The following BDP1 variants were observed in gnomAD, a reference collection of about 807,000 sequenced individuals.
The protein encoded by BDP1 is BDP1 general transcription factor IIIB subunit.
Under a neutral mutation model 266.6 loss-of-function variants are expected in BDP1, and 169 were observed. The observed-to-expected ratio is 0.63, with a 90% confidence interval of 0.56 to 0.72. The LOEUF is 0.72. Among genes scored for constraint, BDP1 ranks in the 30% least tolerant of loss-of-function variants. The pLI, the probability that BDP1 is intolerant of heterozygous loss-of-function variation, is 0.00. For synonymous variants in BDP1, 1,090 were observed against 1,022.4 expected (o/e 1.07, Z -1.26); for missense variants, 3,015 against 3,053.8 (o/e 0.99, Z 0.30).
chr5:71,526,165 A>C (rs1765855974), intron 25 of BDP1, among the ~76,000 whole-genome samples: 1 of 152,000 alleles, frequency 6.6e-6, no homozygotes, highest in Non-Finnish European at 1.5e-5. Context: ...CACTGAGTGA[A>C]CGCAACTCCG....
Position 71,539,059 on chromosome 5 carries a change from AC to A in BDP1, c.5911del (p.His1971IlefsTer17), listed in dbSNP as rs1561767888. The A allele has an allele frequency of 6.2e-7, 1 of 1,604,328 alleles. No homozygotes were observed. The highest frequency in any genetic ancestry group is 1.7e-5 in the Admixed American group (1 of 58,710). The stretch of plus-strand genomic sequence containing the variant: ...CTTTTTAGGAAATGACCACAAGTGA[AC>A]ATATCCAAGATGAACCAGGTAACTG... The part of the protein sequence containing the change: ...SVPFEMTTSE[H>X]IQDEPGTNDG... On this transcript the variant is annotated frameshift_variant, in exon 27 of 39. Coordinates refer to ENST00000358731, the MANE Select transcript of BDP1 (RefSeq NM_018429.3). LOFTEE classifies it high-confidence loss of function.
intron 30 of BDP1, among the ~76,000 whole-genome samples, chr5:71,542,712 A>ATG (rs1767048610): frequency 6.6e-6 from 1 of 151,732 alleles, no homozygotes; most frequent in Admixed American, 6.6e-5. Flanking sequence ...ATATATATAT[A>ATG]TATATTCATG....
chr5:71,548,514 A>G (rs1742495725), intron 32 of BDP1, among the ~76,000 whole-genome samples, 168 bp from the exon 33 acceptor site: 1 of 152,242 alleles, frequency 6.6e-6, no homozygotes, highest in Admixed American at 6.5e-5. Flanking sequence ...ATATTTATTT[A>G]AATGAATCAA....
In BDP1 at chr5:71,524,083, T is replaced by C. The variant is rs373543897; in HGVS notation, c.5532T>C (p.Arg1844=). The C allele has an allele frequency of 1.5e-5, 25 of 1,614,224 alleles. No homozygotes were observed. The African/African-American group carries it at 3.3e-4, about 22-fold the overall frequency. Residue 1844 remains arginine (R), a synonymous_variant, in exon 25 of 39, where the codon CGT becomes CGC. Transcript: ENST00000358731. ...KKFKPNVTRG[R]GSKRVRGKTS... ...TCAAACCAAATGTCACCAGAGGTCG[T>C]GGATCAAAACGAGTTCGGGGTAAGA...
chr5:71,511,241 C>A, intron 17 of BDP1, 90 bp downstream of exon 17: 1 of 1,299,982 alleles, frequency 7.7e-7, no homozygotes, highest in Non-Finnish European at 1.1e-6. Flanking sequence ...TTAAGTCCAA[C>A]AACACTTAAA....
At chr5:71,532,568 TA>T (rs1249571881) in intron 26 of BDP1, 141 bp downstream of exon 26, 2 of 691,198 alleles carry the variant, frequency 2.9e-6, no homozygotes, top group African/African-American at 3.6e-5. Context: ...GTCTGAGTAG[TA>T]AAAACTAGTG....
intron 22 of BDP1, among the ~76,000 whole-genome samples, chr5:71,517,801 C>T (rs1360562462): frequency 6.6e-6 from 1 of 152,116 alleles, no homozygotes; most frequent in Non-Finnish European, 1.5e-5. Context: ...CAGTGGTTCA[C>T]GCCTGTAATC....
rs763601637 is a variant in BDP1 at position 71,502,775 on chromosome 5, C to T, written c.2225C>T (p.Ser742Phe). The change falls in exon 15 of 39, where the codon TCC becomes TTC. Residue 742 changes from serine to phenylalanine, a missense_variant. By Grantham distance (155) the Ser-to-Phe change is radical. Around this residue, in one of 3 missense-constraint regions of BDP1, gnomAD observed 2,383 missense variants for 2,404.9 expected, o/e 0.99. Transcript: ENST00000358731. Reference sequence around the variant, plus strand: ...AATGTAGAGAAGAATGAAAATGAATCCTGTGCTGATAGAGATGTAAGTACT... The same window carrying T: ...AATGTAGAGAAGAATGAAAATGAATTCTGTGCTGATAGAGATGTAAGTACT... ...GANVEKNENE[S>F]CADRDTPQHM... The T allele has an allele frequency of 2.5e-6, 4 of 1,613,176 alleles. No homozygotes were observed. Among genetic ancestry groups the T allele is most frequent in the Admixed American group, 3.3e-5 (2 of 59,758 alleles).
At chr5:71,548,191 A>C (rs1169097157) in intron 32 of BDP1, among the ~76,000 whole-genome samples, 1 of 152,070 alleles carries the variant, frequency 6.6e-6, no homozygotes, top group Non-Finnish European at 1.5e-5. Context: ...CAGGAGGTTG[A>C]GGTGGGAGGA....
At chr5:71,499,444 C>G (rs765805435) in intron 13 of BDP1, among the ~76,000 whole-genome samples, 44 of 152,126 alleles carry the variant, frequency 2.9e-4, no homozygotes, top group Non-Finnish European at 5.3e-4. Flanking sequence ...TGGCGAAATC[C>G]CATCTCTACT....
intron 32 of BDP1, among the ~76,000 whole-genome samples, chr5:71,547,479 C>A (rs1742419513): frequency 6.6e-6 from 1 of 152,170 alleles, no homozygotes; most frequent in South Asian, 2.1e-4. Flanking sequence ...TGACTGATCA[C>A]TTGGCTAGAA....
intron 32 of BDP1, chr5:71,545,439 C>G (rs1228716755): frequency 5.7e-6 from 3 of 523,536 alleles, no homozygotes; most frequent in African/African-American, 2.0e-5. Context: ...TCAACAGATT[C>G]TCCTGCCTCA....
At chr5:71,461,739 TG>T in intron 2 of BDP1, 77 bp from the exon 3 acceptor site, 1 of 783,598 alleles carries the variant, frequency 1.3e-6, no homozygotes, top group South Asian at 1.7e-5. Flanking sequence ...AACGCAACAG[TG>T]GACTGTATAT....
chr5:71,509,305 T>A (rs1764758174), intron 16 of BDP1, among the ~76,000 whole-genome samples, 160 bp from the exon 17 acceptor site: 1 of 152,168 alleles, frequency 6.6e-6, no homozygotes, highest in Admixed American at 6.5e-5. Flanking sequence ...GGGATTTTTT[T>A]TCTTTTAATT....
chr5:71,513,049 C>T lies in BDP1; in HGVS notation c.4248-136C>T, dbSNP rs1230407327. The T allele has an allele frequency of 7.3e-6, 4 of 547,246 alleles. No individual in the cohort carries two copies. In the Admixed American group the frequency reaches 2.0e-4, roughly 28 times the overall value. The allele number at this position is 547,246 out of a possible 1,614,324, so 33.9% of individuals were successfully genotyped here. A position where few individuals can be genotyped will look rare whatever the true frequency, so the allele number is the denominator to read the frequency against. ...TTGCACTCCAGCCTGGGGGATAGAA[C>T]AAGACCCTGTCTCCAAAAAAAAAAA... On this transcript the variant is annotated intron_variant, in intron 18 of 38. Coordinates refer to ENST00000358731, the MANE Select transcript of BDP1 (RefSeq NM_018429.3).
At chr5:71,507,491 C>T (rs1169878879) in intron 16 of BDP1, among the ~76,000 whole-genome samples, 2 of 152,156 alleles carry the variant, frequency 1.3e-5, no homozygotes, top group Non-Finnish European at 2.9e-5. Flanking sequence ...ACAATCTGAA[C>T]TGTTATGGAA....
intron 20 of BDP1, among the ~76,000 whole-genome samples, chr5:71,515,783 AACTC>A (rs1488364194): frequency 6.6e-6 from 1 of 152,110 alleles, no homozygotes; most frequent in Non-Finnish European, 1.5e-5. Context: ...ATTAAATACT[AACTC>A]ATTCTCCTCC....
chr5:71,489,726 A>T lies in BDP1; in HGVS notation c.1492+44A>T, dbSNP rs767771023. ...TAAAAAGCCTCTATATTACTTGAGA[A>T]GACATGTACAGTAATATGGTATGTA... On this transcript the variant is annotated intron_variant, in intron 10 of 38. Coordinates refer to ENST00000358731, the MANE Select transcript of BDP1 (RefSeq NM_018429.3). The T allele has an allele frequency of 1.0e-5, 15 of 1,497,924 alleles. No homozygotes were observed. The Admixed American group carries it at 3.2e-4, about 32-fold the overall frequency. The allele number at this position is 1,497,924 out of a possible 1,614,324, so 92.8% of individuals were successfully genotyped here. A position where few individuals can be genotyped will look rare whatever the true frequency, so the allele number is the denominator to read the frequency against.
At chr5:71,564,352 TTTAC>T (rs1463986073) in intron 38 of BDP1, among the ~76,000 whole-genome samples, 2 of 117,486 alleles carry the variant, frequency 1.7e-5, no homozygotes, top group African/African-American at 2.9e-5. Context: ...TTAAAGTATT[TTTAC>T]TTTATTTAGT....
Sources: gnomAD v4.1 joint callset for allele counts (sites outside exome capture counted in the v4.1 genomes callset) on GRCh38, gnomAD v4.1.1 for gene constraint, gnomAD v4.1.1 regional missense constraint, MANE v1.5 for transcripts, NCBI Gene and HGNC (gene_info 2026-07-23, HGNC 2026-07-21) for gene names.